The following PEX11G variants were observed in gnomAD, a reference collection of about 807,000 sequenced individuals.
PEX11G encodes the protein peroxisomal membrane protein 11C.
PEX11G carries 20 observed loss-of-function variants against 22.5 expected under a neutral mutation model. The ratio of observed to expected loss-of-function variants is 0.89; its 90% confidence interval spans 0.62 to 1.29. The LOEUF is 1.29. PEX11G is among the 50% of genes most tolerant of loss of function. The pLI, the probability that PEX11G is intolerant of heterozygous loss-of-function variation, is 0.00. For synonymous variants in PEX11G, 141 were observed against 154.5 expected (o/e 0.91, Z 0.65); for missense variants, 347 against 331.3 (o/e 1.05, Z -0.37).
rs769428042 is a variant in PEX11G at position 7,488,963 on chromosome 19, G to A, written c.48C>T (p.Gly16=). 13 of 1,554,902 alleles carry A rather than the reference G, an allele frequency of 8.4e-6. No individual in the cohort carries two copies. Among genetic ancestry groups the A allele is most frequent in the East Asian group, 2.4e-5 (1 of 41,216 alleles). Residue 16 remains glycine (G), a synonymous_variant, in exon 1 of 5, where the codon GGC becomes GGT. Transcript: ENST00000221480. ...GCCCCTGCCTCACCAGGCGGTCCCG[G>A]CCCCTGTACGACTCCAGCGCCGACG... ...GLASALESYR[G]RDRLIRVLGY... is the part of the protein sequence containing the mutation.
chr19:7,487,655 C>T (rs1225047697), intron 1 of PEX11G, among the ~76,000 whole-genome samples: 1 of 152,198 alleles, frequency 6.6e-6, no homozygotes. Flanking sequence ...CTCCTGAGCT[C>T]AGACAATCCA....
At chr19:7,479,996 G>A (rs1977413833) in intron 3 of PEX11G, among the ~76,000 whole-genome samples, 1 of 152,146 alleles carries the variant, frequency 6.6e-6, no homozygotes, top group South Asian at 2.1e-4. Flanking sequence ...GGGAGTGGTG[G>A]CTCACGCCTA....
At chr19:7,482,857 C>T (rs1483297275) in intron 2 of PEX11G, among the ~76,000 whole-genome samples, 2 of 152,252 alleles carry the variant, frequency 1.3e-5, no homozygotes, top group African/African-American at 4.8e-5. Flanking sequence ...AAGCCGCTGG[C>T]CCCCAGTTCC....
In PEX11G at chr19:7,482,104, G is replaced by A. The variant is rs772420633; in HGVS notation, c.357C>T (p.His119=). The change falls in exon 3 of 5, where the codon CAC becomes CAT. Residue 119 remains histidine, a synonymous_variant. Coordinates refer to ENST00000221480, the MANE Select transcript of PEX11G (RefSeq NM_080662.4). ...GCGTCCACCACCGAGAAGAGTCCAC[G>A]TGGAGGACCCGGGCATCAGCCGCCC... ...VAWAADARVL[H]VDSSRWWTLS... 25 of 1,603,616 alleles carry A rather than the reference G, an allele frequency of 1.6e-5. No homozygotes were observed. The highest frequency in any genetic ancestry group is 1.1e-4 in the South Asian group (10 of 88,874).
chr19:7,489,567 CACATGTTGG>C (rs1359897737), upstream of PEX11G: 1 of 912,690 alleles, frequency 1.1e-6, no homozygotes, highest in Non-Finnish European at 1.3e-6. Context: ...TTAGTACATG[CACATGTTGG>C]ACAACCATCA....
intron 3 of PEX11G, among the ~76,000 whole-genome samples, chr19:7,480,640 T>C (rs1977448020): frequency 1.3e-5 from 2 of 152,208 alleles, no homozygotes; most frequent in African/African-American, 4.8e-5. Flanking sequence ...ATTTTCCAGA[T>C]TGTCTACGGT....
upstream of PEX11G, among the ~76,000 whole-genome samples, chr19:7,490,313 T>C (rs1015067825): frequency 1.3e-5 from 2 of 152,088 alleles, no homozygotes; most frequent in Non-Finnish European, 2.9e-5. Context: ...AATAAATTTG[T>C]TTTTCCCTTG....
In PEX11G at chr19:7,483,728, G is replaced by A. The variant is rs539714681; in HGVS notation, c.250-1517C>T. On this transcript the variant is annotated intron_variant, in intron 2 of 4. Coordinates refer to ENST00000221480, the MANE Select transcript of PEX11G (RefSeq NM_080662.4). ...TGAACACGGTGGGGTTGGGATTTCG[G>A]GGCGGGGAGCACCTGAGTAGCAAGT... Among the ~76,000 whole-genome samples the A allele has an allele frequency of 2.0e-5, 3 of 152,274 alleles. No homozygotes were observed. The East Asian group carries it at 5.8e-4, about 29-fold the overall frequency.
At chr19:7,491,263 A>ATTTTTT (rs58509062), upstream of PEX11G, 11 of 87,764 alleles carry the variant, frequency 1.3e-4, no homozygotes, top group Non-Finnish European at 1.9e-4. Flanking sequence ...CCACTTCTTG[A>ATTTTTT]TTTTTTTTTT....
At position 7,486,012 on chromosome 19, in the gene PEX11G, C is replaced by T. The variant is rs200923010; in HGVS notation, c.75G>A (p.Gly25=). The T allele has an allele frequency of 1.3e-6, 2 of 1,591,914 alleles. No homozygotes were observed. The highest frequency in any genetic ancestry group is 1.7e-6 in the Non-Finnish European group (2 of 1,163,546). ...CTCCACCAACCAGCTGGCAGCAGTACCCCAGCACTCGGATCTGTGGGAAAC... is the reference window on the plus strand; with the variant it reads ...CTCCACCAACCAGCTGGCAGCAGTATCCCAGCACTCGGATCTGTGGGAAAC... ...RGRDRLIRVL[G]YCCQLVGGVL... Residue 25 remains glycine, a synonymous_variant, in exon 2 of 5, where the codon GGG becomes GGA. Coordinates refer to ENST00000221480, the MANE Select transcript of PEX11G (RefSeq NM_080662.4).
chr19:7,489,057 G>A, upstream of PEX11G: 1 of 1,464,296 alleles, frequency 6.8e-7, no homozygotes, highest in Non-Finnish European at 9.0e-7. Flanking sequence ...GCGCCAGGGG[G>A]CGGGGCCAGG....
chr19:7,492,299 C>G (rs1169861403), upstream of PEX11G, among the ~76,000 whole-genome samples: 5 of 152,194 alleles, frequency 3.3e-5, no homozygotes, highest in Non-Finnish European at 7.3e-5. Flanking sequence ...CAGCATTACA[C>G]AAAGGTTCCA....
At chr19:7,494,009 T>G (rs532300568), upstream of PEX11G, among the ~76,000 whole-genome samples, 2 of 151,712 alleles carry the variant, frequency 1.3e-5, no homozygotes, top group South Asian at 4.2e-4. Flanking sequence ...TGGGTTCAAG[T>G]GATTCTCCTG....
chr19:7,489,393 G>A, upstream of PEX11G: 3 of 1,034,812 alleles, frequency 2.9e-6, no homozygotes, highest in Non-Finnish European at 3.5e-6. Flanking sequence ...TAGTTTTTGT[G>A]CTTCACCTTT....
At chr19:7,489,092 G>C, upstream of PEX11G, 1 of 1,374,806 alleles carries the variant, frequency 7.3e-7, no homozygotes, top group South Asian at 1.6e-5. Context: ...GCGCCCCAAA[G>C]GCTTGCGCGC....
intron 2 of PEX11G, among the ~76,000 whole-genome samples, chr19:7,482,903 G>T (rs1977562449): frequency 6.6e-6 from 1 of 152,224 alleles, no homozygotes; most frequent in Non-Finnish European, 1.5e-5. Context: ...GAATTGCAAT[G>T]CACACGCGGG....
rs2145947761 is a variant in PEX11G, at chr19:7,478,378, TG to T, written c.429-3del. The stretch of plus-strand genomic sequence containing the variant: ...AGTTTCAGCAGCATCCACAGGGACC[TG>T]CAGCACCAGAGCCCGAGGGAGGATG... On this transcript the variant is annotated splice_polypyrimidine_tract_variant and splice_region_variant and intron_variant, in intron 3 of 4. Coordinates refer to ENST00000221480, the MANE Select transcript of PEX11G (RefSeq NM_080662.4). The T allele has an allele frequency of 1.2e-6, 2 of 1,609,170 alleles. No individual in the cohort carries two copies. Among genetic ancestry groups the T allele is most frequent in the East Asian group, 4.5e-5 (2 of 44,724 alleles).
upstream of PEX11G, among the ~76,000 whole-genome samples, chr19:7,492,487 A>G (rs1224452345): frequency 1.2e-4 from 18 of 151,828 alleles, no homozygotes; most frequent in Admixed American, 1.2e-3. Context: ...TCTATTGCCT[A>G]GGCTGGAGTG....
At chr19:7,478,811 G>A (rs903806202) in intron 3 of PEX11G, among the ~76,000 whole-genome samples, 2 of 152,238 alleles carry the variant, frequency 1.3e-5, no homozygotes, top group Non-Finnish European at 2.9e-5. Context: ...GTCCAAATCA[G>A]TGCCATGCCA....
Sources: gnomAD v4.1 joint callset for allele counts (sites outside exome capture counted in the v4.1 genomes callset) on GRCh38, gnomAD v4.1.1 for gene constraint, MANE v1.5 for transcripts, NCBI Gene and HGNC (gene_info 2026-07-23, HGNC 2026-07-21) for gene names.